The following SCML4 variants were observed in gnomAD, a reference collection of about 807,000 sequenced individuals.
SCML4 encodes Scm polycomb group protein like 4.
Under a neutral mutation model 41.1 loss-of-function variants are expected in SCML4, and 34 were observed. The observed-to-expected ratio is 0.83, with a 90% confidence interval of 0.63 to 1.10. The LOEUF (loss-of-function observed/expected upper bound fraction) is 1.10, where lower values mean the gene tolerates loss of function less well. Ranked by LOEUF, SCML4 falls within the 50% of genes least tolerant of loss-of-function variation. SCML4 has a pLI of 0.00. For missense variants in SCML4, 522 were observed against 534.1 expected (o/e 0.98, Z 0.22); for synonymous variants, 214 against 220.9 (o/e 0.97, Z 0.28).
chr6:107,797,565 G>A (rs143627065), intron 1 of SCML4, among the ~76,000 whole-genome samples: 49 of 151,890 alleles, frequency 3.2e-4, no homozygotes, highest in Middle Eastern at 3.4e-3. Flanking sequence ...TAATCATATC[G>A]TTTGTGAATT....
At chr6:107,730,372 T>C (rs1373637131) in intron 5 of SCML4, among the ~76,000 whole-genome samples, 1 of 152,158 alleles carries the variant, frequency 6.6e-6, no homozygotes, top group Non-Finnish European at 1.5e-5. Context: ...AAAATCGTTT[T>C]CCATCTGAAA....
chr6:107,822,520 T>TTTTTTTG (rs1491064921), intron 1 of SCML4, among the ~76,000 whole-genome samples: 2 of 134,602 alleles, frequency 1.5e-5, no homozygotes, highest in African/African-American at 5.2e-5. Context: ...TTTTTTTTTT[T>TTTTTTTG]TGCAGCAAAA....
chr6:107,743,519 T>G (rs1490226874), intron 5 of SCML4, among the ~76,000 whole-genome samples: 1 of 152,224 alleles, frequency 6.6e-6, no homozygotes, highest in Non-Finnish European at 1.5e-5. Flanking sequence ...AATATGTTTG[T>G]GAGTCAACTA....
chr6:107,726,271 C>A (rs1033820892), intron 5 of SCML4, among the ~76,000 whole-genome samples: 2 of 151,064 alleles, frequency 1.3e-5, no homozygotes, highest in Non-Finnish European at 3.0e-5. Context: ...CGGTGGCTCA[C>A]GCCTGTAATC....
rs935267813 is a variant in SCML4, at chr6:107,806,188, C to CA, written c.-60+17937_-60+17938insT. ...CAAGGACAATCAAAACAGAGATTTC[C>CA]CCCCCCCCAATAAACAATGAGCAAG... is the stretch of plus-strand genomic sequence containing the variant. On this transcript the variant is annotated intron_variant, in intron 1 of 7. Coordinates refer to ENST00000369020, the MANE Select transcript of SCML4 (RefSeq NM_198081.5). 1.8e-3 allele frequency among the ~76,000 whole-genome samples: 13 copies of CA among 7,404 alleles called. No individual in the cohort carries two copies. The Non-Finnish European group carries it at 0.026, about 15-fold the overall frequency. 4.9% of individuals were successfully genotyped at this position (7,404 alleles called of 152,430 possible).
At chr6:107,766,078 AG>A (rs1780010596) in intron 2 of SCML4, among the ~76,000 whole-genome samples, 1 of 152,226 alleles carries the variant, frequency 6.6e-6, no homozygotes, top group African/African-American at 2.4e-5. Flanking sequence ...TGAGGCCAAG[AG>A]GTCAAGGTTG....
intron 1 of SCML4, among the ~76,000 whole-genome samples, chr6:107,808,028 A>T (rs1045474406): frequency 1.3e-5 from 2 of 152,172 alleles, no homozygotes; most frequent in African/African-American, 4.8e-5. Flanking sequence ...CATTAGCCTA[A>T]TTGCTTGATA....
chr6:107,776,761 T>C (rs1430674466), intron 1 of SCML4, among the ~76,000 whole-genome samples: 2 of 152,174 alleles, frequency 1.3e-5, no homozygotes, highest in Non-Finnish European at 2.9e-5. Flanking sequence ...AGCACAAAGA[T>C]ATATGGCCAA....
At chr6:107,798,650 T>G (rs1782884802) in intron 1 of SCML4, among the ~76,000 whole-genome samples, 1 of 152,066 alleles carries the variant, frequency 6.6e-6, no homozygotes, top group African/African-American at 2.4e-5. Flanking sequence ...CTTAATTTAC[T>G]CCTCTTTCTC....
intron 1 of SCML4, among the ~76,000 whole-genome samples, chr6:107,784,889 GAGCAGACCAGCAACC>G (rs1228240084): frequency 0.032 from 4,872 of 152,288 alleles, 284 homozygotes; most frequent in African/African-American, 0.11. Flanking sequence ...TGGTTTGGCT[GAGCAGACCAGCAACC>G]ATTTCAGTGG....
intron 2 of SCML4, among the ~76,000 whole-genome samples, chr6:107,760,192 C>T (rs1779473616): frequency 6.6e-6 from 1 of 152,146 alleles, no homozygotes; most frequent in Non-Finnish European, 1.5e-5. Flanking sequence ...AGTCCTGTTT[C>T]TGGTAAGATG....
chr6:107,759,132 C>CAAAAAAAAAAAAAAAAAAA (rs60124415), intron 2 of SCML4, among the ~76,000 whole-genome samples: 3 of 88,230 alleles, frequency 3.4e-5, no homozygotes, highest in Admixed American at 1.4e-4. Flanking sequence ...ACAAAAAATA[C>CAAAAAAAAAAAAAAAAAAA]AAAAAAAAAA....
intron 1 of SCML4, among the ~76,000 whole-genome samples, chr6:107,803,230 T>C (rs1343188680): frequency 2.2e-5 from 3 of 135,322 alleles, no homozygotes; most frequent in Non-Finnish European, 3.2e-5. Context: ...GGAGCGCCTC[T>C]GCCCGGCCGC....
At chr6:107,771,910 C>T (rs1780548370) in intron 2 of SCML4, among the ~76,000 whole-genome samples, 1 of 152,166 alleles carries the variant, frequency 6.6e-6, no homozygotes, top group African/African-American at 2.4e-5. Context: ...TTAGCGATGA[C>T]CCTAAAATCT....
At chr6:107,768,105 A>C (rs531686155) in intron 2 of SCML4, among the ~76,000 whole-genome samples, 1 of 152,108 alleles carries the variant, frequency 6.6e-6, no homozygotes, top group African/African-American at 2.4e-5. Context: ...TACAAAAAAA[A>C]AAAAAAAAAA....
chr6:107,843,412 C>T, the SCML4 span, among the ~76,000 whole-genome samples: 1 of 152,136 alleles, frequency 6.6e-6, no homozygotes, highest in African/African-American at 2.4e-5. Flanking sequence ...AATTTAAAAA[C>T]AAATCTAGAA....
chr6:107,768,337 A>C (rs934172600), intron 2 of SCML4, among the ~76,000 whole-genome samples: 3 of 152,186 alleles, frequency 2.0e-5, no homozygotes, highest in African/African-American at 7.2e-5. Flanking sequence ...TTTCTTCTTT[A>C]AAGTCACTGT....
At chr6:107,724,162 A>G (rs1293216879) in intron 5 of SCML4, among the ~76,000 whole-genome samples, 1 of 152,220 alleles carries the variant, frequency 6.6e-6, no homozygotes, top group African/African-American at 2.4e-5. Context: ...AATTTCCTCA[A>G]TCTGACAAAG....
At chr6:107,811,110 A>G (rs1583652231) in intron 1 of SCML4, among the ~76,000 whole-genome samples, 1 of 152,306 alleles carries the variant, frequency 6.6e-6, no homozygotes, top group Non-Finnish European at 1.5e-5. Flanking sequence ...GTGCAAGGCA[A>G]GGAGAGAGGG....
Sources: gnomAD v4.1 joint callset for allele counts (sites outside exome capture counted in the v4.1 genomes callset) on GRCh38, gnomAD v4.1.1 for gene constraint, MANE v1.5 for transcripts, NCBI Gene and HGNC (gene_info 2026-07-23, HGNC 2026-07-21) for gene names.